Variants in PRSS1 observed in about 807,000 individuals in gnomAD.
PRSS1 encodes serine protease 1.
Under a neutral mutation model 24.2 loss-of-function variants are expected in PRSS1, and 22 were observed. The observed-to-expected ratio is 0.91, with a 90% CI of 0.65 to 1.30. The LOEUF (loss-of-function observed/expected upper bound fraction) is 1.30. Ranked by LOEUF, PRSS1 falls within the 50% of genes most tolerant of loss-of-function variation. PRSS1 has a pLI of 0.00. For synonymous variants in PRSS1, 126 were observed against 116.1 expected, an observed-to-expected ratio of 1.08 and a Z score of -0.55; for missense variants, 366 against 304.2, an observed-to-expected ratio of 1.20 and a Z score of -1.51.
In PRSS1 at chr7:142,752,460, G is replaced by A. The variant is rs1171452978; in HGVS notation, c.484G>A (p.Asp162Asn). The A allele has an allele frequency of 1.2e-6, 2 of 1,614,018 alleles. No homozygotes were observed. The highest frequency in any genetic ancestry group is 1.7e-6 in the Non-Finnish European group (2 of 1,179,996). ...ADYPDELQCL[D>N]APVLSQAKCE... ...CTACCCAGACGAGCTGCAGTGCCTG[G>A]ATGCTCCTGTGCTGAGCCAGGCTAA... The change falls in exon 4 of 5, where the codon GAT becomes AAT. Residue 162 changes from aspartate (D) to asparagine (N), a missense_variant. By Grantham distance (23) the Asp-to-Asn change is conservative. Transcript: ENST00000311737.
chr7:142,749,676 T>A (rs1489512513), intron 1 of PRSS1, 152 bp downstream of exon 1: 2 of 996,928 alleles, frequency 2.0e-6, no homozygotes, highest in Non-Finnish European at 3.1e-6. Context: ...CCTTGGGCTC[T>A]TTTTAAGTCT....
chr7:142,751,124 ACT>A (rs935477695), intron 2 of PRSS1: 1 of 702,364 alleles, frequency 1.4e-6, no homozygotes, highest in African/African-American at 1.7e-5. Context: ...AGAATTTTAC[ACT>A]CTACCTCTGC....
chr7:142,752,971 T>G lies in PRSS1; in HGVS notation c.695T>G (p.Val232Gly). The G allele has an allele frequency of 6.2e-7, 1 of 1,613,700 alleles. No individual in the cohort carries two copies. Among genetic ancestry groups the G allele is most frequent in the Non-Finnish European group, 8.5e-7 (1 of 1,179,908 alleles). ...AACAAGCCTGGAGTCTACACCAAGG[T>G]CTACAACTATGTGAAATGGATTAAG... ...QKNKPGVYTKVYNYVKWIKNT... is the reference protein window; with the variant it reads ...QKNKPGVYTKGYNYVKWIKNT... The change falls in exon 5 of 5, where the codon GTC (valine) becomes GGC (glycine). Residue 232 changes from valine to glycine, a missense_variant. Transcript: ENST00000311737.
At chr7:142,750,092 C>A (rs1585975813) in intron 1 of PRSS1, among the ~76,000 whole-genome samples, 1 of 151,010 alleles carries the variant, frequency 6.6e-6, no homozygotes, top group African/African-American at 2.4e-5. Flanking sequence ...TCAACTCTGC[C>A]CTGACTGCAC....
At chr7:142,750,461 A>G in intron 1 of PRSS1, 94 bp from the exon 2 acceptor site, 1 of 1,585,168 alleles carries the variant, frequency 6.3e-7, no homozygotes, top group Non-Finnish European at 8.7e-7. Context: ...TGTGCTTGTT[A>G]AGGATTTCTA....
chr7:142,751,745 G>A (rs750721292), intron 2 of PRSS1, 29 bp from the exon 3 acceptor site: 1 of 1,614,142 alleles, frequency 6.2e-7, no homozygotes, highest in Non-Finnish European at 8.5e-7. Context: ...GTGGGAGAAG[G>A]TCTTCACCAT....
rs373659879 is a variant in PRSS1, at chr7:142,751,870, C to T, written c.297C>T (p.Tyr99=). The change falls in exon 3 of 5, where the codon TAC becomes TAT. Residue 99 remains tyrosine (Y), a synonymous_variant. Transcript: ENST00000311737. ...CCAAGATCATCCGCCACCCCCAATACGACAGGAAGACTCTGAACAATGACA... is the reference window on the plus strand; with the variant it reads ...CCAAGATCATCCGCCACCCCCAATATGACAGGAAGACTCTGAACAATGACA... ...NAAKIIRHPQ[Y]DRKTLNNDIM... 4.3e-5 allele frequency: 70 copies of T among 1,613,922 alleles called. No individual in the cohort carries two copies. Among genetic ancestry groups the T allele is most frequent in the East Asian group, 6.7e-5 (3 of 44,878 alleles).
intron 3 of PRSS1, among the ~76,000 whole-genome samples, 175 bp from the exon 4 acceptor site, chr7:142,752,256 G>A (rs371923665): frequency 2.0e-5 from 3 of 152,056 alleles, no homozygotes; most frequent in Admixed American, 1.3e-4. Flanking sequence ...ATCTTGGGAG[G>A]GGTTCAACAA....
chr7:142,752,984 G>A lies in PRSS1; in HGVS notation c.708G>A (p.Val236=), dbSNP rs1226380756. 2 of 1,613,668 alleles carry A rather than the reference G, an allele frequency of 1.2e-6. No homozygotes were observed. Among genetic ancestry groups the A allele is most frequent in the Admixed American group, 1.7e-5 (1 of 59,962 alleles). Residue 236 remains valine (V), a synonymous_variant, in exon 5 of 5, where the codon GTG becomes GTA. Coordinates refer to ENST00000311737, the MANE Select transcript of PRSS1 (RefSeq NM_002769.5). The part of the protein sequence containing the change: ...PGVYTKVYNY[V]KWIKNTIAAN... Reference sequence around the variant, plus strand: ...TCTACACCAAGGTCTACAACTATGTGAAATGGATTAAGAACACCATAGCTG... The same window carrying A: ...TCTACACCAAGGTCTACAACTATGTAAAATGGATTAAGAACACCATAGCTG...
In PRSS1 at chr7:142,751,934, G is replaced by T. The variant is rs199422123; in HGVS notation, c.361G>T (p.Ala121Ser). Residue 121 changes from alanine (A) to serine (S), a missense_variant, in exon 3 of 5, where the codon GCC (alanine) becomes TCC (serine). Ala to Ser is a moderately conservative substitution (Grantham distance 99, BLOSUM62 1). Transcript: ENST00000311737. ...IKLSSRAVIN[A>S]RVSTISLPTA... ...GCTCTCCTCACGTGCAGTAATCAAC[G>T]CCCGCGTGTCCACCATCTCTCTGCC... The T allele has an allele frequency of 6.2e-7, 1 of 1,613,976 alleles. No individual in the cohort carries two copies. The highest frequency in any genetic ancestry group is 1.6e-4 in the Middle Eastern group (1 of 6,062).
intron 1 of PRSS1, 124 bp downstream of exon 1, chr7:142,749,648 A>C: frequency 7.5e-7 from 1 of 1,338,254 alleles, no homozygotes; most frequent in African/African-American, 1.5e-5. Flanking sequence ...TCCATCTGGC[A>C]TATCTCCTTC....
intron 1 of PRSS1, among the ~76,000 whole-genome samples, chr7:142,749,944 A>G (rs1448189358): frequency 6.6e-6 from 1 of 152,198 alleles, no homozygotes; most frequent in East Asian, 1.9e-4. Context: ...TCTGGGGTAG[A>G]GCTTGTGTTC....
chr7:142,751,277 G>A (rs796281137), intron 2 of PRSS1: 2 of 539,374 alleles, frequency 3.7e-6, no homozygotes, highest in Non-Finnish European at 6.6e-6. Context: ...ATCAGTAGGT[G>A]GGGGTAAGGA....
intron 1 of PRSS1, 47 bp downstream of exon 1, chr7:142,749,571 G>C (rs202020857): frequency 2.9e-4 from 460 of 1,600,096 alleles, no homozygotes; most frequent in African/African-American, 2.2e-3. Flanking sequence ...CCCCGTTCCT[G>C]GCCGACAAAT....
rs770782578 is a variant in PRSS1, at chr7:142,750,563, C to G, written c.49C>G (p.Pro17Ala). The G allele has an allele frequency of 6.8e-7, 1 of 1,477,772 alleles. No individual in the cohort carries two copies. The highest frequency in any genetic ancestry group is 2.0e-5 in the Admixed American group (1 of 50,432). The allele number at this position is 1,477,772 out of a possible 1,614,324, so 91.5% of individuals were successfully genotyped here. The change falls in exon 2 of 5, where the codon CCC (proline) becomes GCC (alanine). Residue 17 changes from proline to alanine, a missense_variant. By Grantham distance (27) the Pro-to-Ala change is conservative (BLOSUM62 -1). Coordinates refer to ENST00000311737, the MANE Select transcript of PRSS1 (RefSeq NM_002769.5). ...LTFVAAALAA[P>A]FDDDDKIVGG... is the part of the protein sequence containing the mutation. The stretch of plus-strand genomic sequence containing the variant: ...TCCCATCTCCACTCCAGTTGCTGCC[C>G]CCTTTGATGATGATGACAAGATCGT...
rs1323769980 is a variant in PRSS1, at chr7:142,751,892, G to T, written c.319G>T (p.Asp107Tyr). The change falls in exon 3 of 5, where the codon GAC becomes TAC. Residue 107 changes from aspartate to tyrosine, a missense_variant. Coordinates refer to ENST00000311737, the MANE Select transcript of PRSS1 (RefSeq NM_002769.5). ...ATACGACAGGAAGACTCTGAACAAT[G>T]ACATCATGTTAATCAAGCTCTCCTC... ...PQYDRKTLNN[D>Y]IMLIKLSSRA... The T allele has an allele frequency of 6.2e-7, 1 of 1,614,066 alleles. No individual in the cohort carries two copies. Among genetic ancestry groups the T allele is most frequent in the South Asian group, 1.1e-5 (1 of 91,080 alleles).
intron 2 of PRSS1, chr7:142,751,505 A>G (rs112509615): frequency 2.5e-5 from 15 of 609,656 alleles, no homozygotes; most frequent in African/African-American, 2.2e-4. Context: ...TGTGGGAAAG[A>G]GTCTGGGGAG....
intron 2 of PRSS1, 61 bp downstream of exon 2, chr7:142,750,775 C>T (rs1287878555): frequency 3.7e-6 from 6 of 1,609,954 alleles, no homozygotes; most frequent in Admixed American, 1.7e-5. Flanking sequence ...AGCTTGGCTT[C>T]AGCCCAGGGA....
intron 1 of PRSS1, 41 bp downstream of exon 1, chr7:142,749,565 G>T (rs370530272): frequency 1.3e-6 from 2 of 1,590,456 alleles, no homozygotes; most frequent in Non-Finnish European, 1.7e-6. Flanking sequence ...CCACCCCCCC[G>T]TTCCTGGCCG....
Sources: allele counts gnomAD v4.1 joint callset (sites outside exome capture counted in the v4.1 genomes callset), GRCh38; gene constraint gnomAD v4.1.1; transcripts MANE v1.5; gene names NCBI Gene and HGNC (gene_info 2026-07-23, HGNC 2026-07-21).